The following ZEB1 variants were observed in gnomAD, a reference collection of about 807,000 sequenced individuals.
ZEB1 encodes the protein zinc finger E-box binding homeobox 1.
In ZEB1, 21 loss-of-function variants were observed where a neutral mutation model predicts 84.9. The ratio of observed to expected loss-of-function variants is 0.25; its 90% CI spans 0.18 to 0.36. The LOEUF (loss-of-function observed/expected upper bound fraction) is 0.36. Ranked by LOEUF, ZEB1 falls within the 10% of genes least tolerant of loss-of-function variation. The pLI is 1.00. For synonymous variants in ZEB1, 420 were observed against 471.1 expected (o/e 0.89, Z 1.41); for missense variants, 1,104 against 1,330.2 (o/e 0.83, Z 2.65).
chr10:31,396,604 G>A (rs1016624487), intron 1 of ZEB1, among the ~76,000 whole-genome samples: 2 of 152,124 alleles, frequency 1.3e-5, no homozygotes, highest in Non-Finnish European at 2.9e-5. Flanking sequence ...GAAATCACAA[G>A]CTGGTGTGAG....
At chr10:31,430,315 G>A (rs565260231) in intron 1 of ZEB1, among the ~76,000 whole-genome samples, 1 of 152,214 alleles carries the variant, frequency 6.6e-6, no homozygotes, top group East Asian at 1.9e-4. Flanking sequence ...ATTAGTTACT[G>A]AGATAGGCAG....
At chr10:31,509,138 G>C (rs1253599394) in intron 4 of ZEB1, among the ~76,000 whole-genome samples, 1 of 152,196 alleles carries the variant, frequency 6.6e-6, no homozygotes, top group East Asian at 1.9e-4. Context: ...GATGTAGTCT[G>C]TTGGGGGTTG....
chr10:31,470,054 C>T (rs2063001597), intron 2 of ZEB1, among the ~76,000 whole-genome samples: 2 of 151,462 alleles, frequency 1.3e-5, no homozygotes, highest in Admixed American at 1.3e-4. Flanking sequence ...ACACCAAAAA[C>T]CCATCTGTAC....
chr10:31,386,484 C>A (rs1422335052), intron 1 of ZEB1, among the ~76,000 whole-genome samples: 1 of 151,576 alleles, frequency 6.6e-6, no homozygotes, highest in African/African-American at 2.4e-5. Flanking sequence ...GGTTAATATT[C>A]TTCTTAATCA....
intron 1 of ZEB1, among the ~76,000 whole-genome samples, chr10:31,370,902 G>A (rs940591005): frequency 3.3e-5 from 5 of 151,932 alleles, no homozygotes; most frequent in Admixed American, 6.6e-5. Context: ...AAATTTTTGC[G>A]GAGACTGGGT....
rs2042968025 is a variant in ZEB1, at chr10:31,361,074, C to T, written c.58+41782C>T. On this transcript the variant is annotated intron_variant, in intron 1 of 8. Transcript: ENST00000424869. ...TACTCTGGATAATCAGACTTCTTTT[C>T]TCTAAGACTTACAAATTACAAGAAC... is the stretch of plus-strand genomic sequence containing the variant. 14 of 1,611,808 alleles carry T rather than the reference C, an allele frequency of 8.7e-6. No homozygotes were observed. In the East Asian group the frequency reaches 3.1e-4, roughly 36 times the overall value.
intron 1 of ZEB1, among the ~76,000 whole-genome samples, chr10:31,393,134 C>T (rs1224328775): frequency 6.6e-6 from 1 of 152,190 alleles, no homozygotes; most frequent in Non-Finnish European, 1.5e-5. Context: ...CCACCATGCC[C>T]AGCTGTACTA....
In ZEB1 at chr10:31,524,139, G is replaced by A. The variant is rs979201086; in HGVS notation, c.2785+26G>A. 5 of 1,607,254 alleles carry A rather than the reference G, an allele frequency of 3.1e-6. No homozygotes were observed. In the African/African-American group the frequency reaches 4.0e-5, roughly 13 times the overall value. On this transcript the variant is annotated intron_variant, in intron 8 of 8. Coordinates refer to ENST00000424869, the MANE Select transcript of ZEB1 (RefSeq NM_001174096.2). ...GTATGTCAGTGAACACAAACATAAA[G>A]TGTCCATGATATGATATACTGGAAG...
At chr10:31,476,442 A>T (rs529554459) in intron 2 of ZEB1, among the ~76,000 whole-genome samples, 2 of 151,942 alleles carry the variant, frequency 1.3e-5, no homozygotes, top group South Asian at 4.1e-4. Flanking sequence ...ACAAATTATG[A>T]GTAAGGAAAT....
intron 1 of ZEB1, among the ~76,000 whole-genome samples, chr10:31,440,985 G>C (rs1440743811): frequency 6.6e-6 from 1 of 152,098 alleles, no homozygotes; most frequent in Non-Finnish European, 1.5e-5. Context: ...TACTGCCCAA[G>C]GTAATTTATA....
At chr10:31,404,434 AAT>A (rs2052603584) in intron 1 of ZEB1, among the ~76,000 whole-genome samples, 1 of 152,190 alleles carries the variant, frequency 6.6e-6, no homozygotes, top group Non-Finnish European at 1.5e-5. Flanking sequence ...TCATTTAAAA[AAT>A]ATGTTAACTG....
intron 3 of ZEB1, among the ~76,000 whole-genome samples, chr10:31,499,803 T>TA (rs1317480603): frequency 6.6e-6 from 1 of 151,856 alleles, no homozygotes; most frequent in Non-Finnish European, 1.5e-5. Context: ...GAAGAAAACA[T>TA]AAAGTATAAG....
chr10:31,471,790 A>T (rs1482044196), intron 2 of ZEB1, among the ~76,000 whole-genome samples: 6 of 142,736 alleles, frequency 4.2e-5, no homozygotes, highest in Admixed American at 6.8e-5. Flanking sequence ...ACCTATTCCA[A>T]AATTGACCAC....
intron 2 of ZEB1, among the ~76,000 whole-genome samples, chr10:31,466,111 G>C (rs2137653864): frequency 6.6e-6 from 1 of 152,212 alleles, no homozygotes; most frequent in African/African-American, 2.4e-5. Context: ...ACCAATTTTG[G>C]AGCACATAAA....
At position 31,395,332 on chromosome 10, in the gene ZEB1, A is replaced by G. The variant is rs115464449; in HGVS notation, c.59-65705A>G. Among the ~76,000 whole-genome samples, 536 of 152,218 alleles carry G rather than the reference A, an allele frequency of 3.5e-3. 1 individual carries two copies. The highest frequency in any genetic ancestry group is 0.012 in the African/African-American group (509 of 41,522). ...CATGCTTTTTTTTCTTTTTATTTATAGAATATACTTCATCTAAACTAGTGC... is the reference window on the plus strand; with the variant it reads ...CATGCTTTTTTTTCTTTTTATTTATGGAATATACTTCATCTAAACTAGTGC... On this transcript the variant is annotated intron_variant, in intron 1 of 8. Transcript: ENST00000424869.
At chr10:31,416,448 C>CTGT (rs1212037427) in intron 1 of ZEB1, among the ~76,000 whole-genome samples, 1 of 152,036 alleles carries the variant, frequency 6.6e-6, no homozygotes, top group East Asian at 1.9e-4. Flanking sequence ...TCACAATTAC[C>CTGT]TACATAATGG....
At chr10:31,345,579 C>T (rs546009874) in intron 1 of ZEB1, among the ~76,000 whole-genome samples, 4 of 152,226 alleles carry the variant, frequency 2.6e-5, no homozygotes, top group African/African-American at 9.6e-5. Flanking sequence ...GGGAGATCAA[C>T]TTGTGTGGGT....
chr10:31,386,671 T>A (rs2048693299), intron 1 of ZEB1, among the ~76,000 whole-genome samples: 2 of 152,302 alleles, frequency 1.3e-5, no homozygotes, highest in South Asian at 4.1e-4. Context: ...GATTATTCTG[T>A]GGCATTTAAC....
In ZEB1 at chr10:31,399,449, C is replaced by T. The variant is rs149388177; in HGVS notation, c.59-61588C>T. ...AAGGATGCCTGTCCTCCTTTCATTC[C>T]ACATATGATAATTCTTCACATTTCT... On this transcript the variant is annotated intron_variant, in intron 1 of 8. Transcript: ENST00000424869. Among the ~76,000 whole-genome samples, 46 of 152,158 alleles carry T rather than the reference C, an allele frequency of 3.0e-4. No homozygotes were observed. In the South Asian group the frequency reaches 8.9e-3, roughly 30 times the overall value.
Sources: allele counts gnomAD v4.1 joint callset (sites outside exome capture counted in the v4.1 genomes callset), GRCh38; gene constraint gnomAD v4.1.1; transcripts MANE v1.5; gene names NCBI Gene and HGNC (gene_info 2026-07-23, HGNC 2026-07-21).